The following DIAPH2 variants were observed in gnomAD, a reference collection of about 807,000 sequenced individuals.
The protein encoded by DIAPH2 is protein diaphanous homolog 2.
Under a neutral mutation model 92.7 loss-of-function variants are expected in DIAPH2, and 35 were observed. That is an observed-to-expected ratio of 0.38 (90% CI 0.29 to 0.50). The LOEUF is 0.50. Ranked by LOEUF, DIAPH2 falls within the 20% of genes least tolerant of loss-of-function variation. The pLI, the probability that DIAPH2 is intolerant of heterozygous loss-of-function variation, is 0.94. For missense variants in DIAPH2, 701 were observed against 819.5 expected (o/e 0.86, Z 1.77); for synonymous variants, 301 against 280.4 (o/e 1.07, Z -0.73).
chrX:97,279,939 A>G (rs899448939), intron 23 of DIAPH2, among the ~76,000 whole-genome samples: 2 of 111,646 alleles, frequency 1.8e-5, no homozygotes, highest in Non-Finnish European at 3.8e-5. Context: ...CATTTTCTAC[A>G]TTATAAATAT....
intron 16 of DIAPH2, among the ~76,000 whole-genome samples, chrX:96,958,995 GCTTGATTTCATAT>G (rs758005442): frequency 2.7e-5 from 3 of 111,345 alleles, no homozygotes; most frequent in Admixed American, 1.9e-4. Context: ...TGGACACTTA[GCTTGATTTCATAT>G]CTTGATTTCA....
At chrX:97,393,444 C>T (rs1041330539) in intron 25 of DIAPH2, among the ~76,000 whole-genome samples, 4 of 111,848 alleles carry the variant, frequency 3.6e-5, no homozygotes, top group Non-Finnish European at 7.5e-5. Context: ...ATAATTAGAG[C>T]ATGCACAGTA....
chrX:97,380,063 CT>C (rs201570876), intron 24 of DIAPH2, among the ~76,000 whole-genome samples: 1,690 of 107,436 alleles, frequency 0.016, 31 homozygotes, highest in African/African-American at 0.054. Flanking sequence ...AATTTATTCA[CT>C]TTTTTTTTCA....
intron 21 of DIAPH2, among the ~76,000 whole-genome samples, chrX:97,124,280 G>T: frequency 8.9e-6 from 1 of 112,410 alleles, no homozygotes; most frequent in Non-Finnish European, 1.9e-5. Flanking sequence ...CTGAGTGAAA[G>T]AAACTAACTC....
At chrX:97,365,016 A>G (rs1229336352) in intron 24 of DIAPH2, among the ~76,000 whole-genome samples, 3 of 110,779 alleles carry the variant, frequency 2.7e-5, no homozygotes, top group East Asian at 2.8e-4. Context: ...ATCCTTTTCA[A>G]CTTTCTCCCA....
At chrX:96,952,274 GTATATACA>G (rs1410351545) in intron 15 of DIAPH2, among the ~76,000 whole-genome samples, 1 of 111,596 alleles carries the variant, frequency 9.0e-6, no homozygotes, top group Non-Finnish European at 1.9e-5. Flanking sequence ...TTGTATGTAT[GTATATACA>G]TACATTAACA....
chrX:97,455,973 A>G (rs1195205326), intron 26 of DIAPH2, among the ~76,000 whole-genome samples: 2 of 111,891 alleles, frequency 1.8e-5, no homozygotes, highest in Non-Finnish European at 3.8e-5. Flanking sequence ...TCCCGAGGCA[A>G]ACTTTGTGCT....
intron 4 of DIAPH2, among the ~76,000 whole-genome samples, chrX:96,856,377 G>A: frequency 9.1e-6 from 1 of 109,706 alleles, no homozygotes; most frequent in Non-Finnish European, 1.9e-5. Context: ...GTTCTCACAA[G>A]GTTAAATAAA....
At chrX:96,965,836 A>G (rs1045838425) in intron 17 of DIAPH2, among the ~76,000 whole-genome samples, 10 of 111,587 alleles carry the variant, frequency 9.0e-5, no homozygotes, top group Admixed American at 1.9e-4. Context: ...TAGCTTCTCA[A>G]TCTCATAATA....
chrX:97,455,940 C>T (rs773474012), intron 26 of DIAPH2, among the ~76,000 whole-genome samples: 3 of 111,659 alleles, frequency 2.7e-5, no homozygotes, highest in Non-Finnish European at 5.6e-5. Context: ...TTTCAAGTTC[C>T]CTTCATTTCC....
intron 5 of DIAPH2, among the ~76,000 whole-genome samples, chrX:96,905,878 C>A (rs1402697176): frequency 8.9e-6 from 1 of 112,078 alleles, no homozygotes; most frequent in Non-Finnish European, 1.9e-5. Flanking sequence ...GCCTGTAATC[C>A]CAGCGCTTTG....
chrX:96,803,777 C>T (rs1354325489), intron 4 of DIAPH2, among the ~76,000 whole-genome samples: 1 of 112,275 alleles, frequency 8.9e-6, no homozygotes, highest in Non-Finnish European at 1.9e-5. Flanking sequence ...CGGTGGCTCA[C>T]GCCTGTAATC....
At chrX:97,206,229 G>A (rs1172291788) in intron 22 of DIAPH2, among the ~76,000 whole-genome samples, 3 of 111,037 alleles carry the variant, frequency 2.7e-5, no homozygotes, top group African/African-American at 6.6e-5. Flanking sequence ...CTAGATGATG[G>A]GTTGATGAGT....
At chrX:96,897,124 C>T (rs754122669) in intron 5 of DIAPH2, among the ~76,000 whole-genome samples, 1 of 111,099 alleles carries the variant, frequency 9.0e-6, no homozygotes, top group South Asian at 3.8e-4. Context: ...GTAGTTAATA[C>T]CAATATATTG....
intron 5 of DIAPH2, among the ~76,000 whole-genome samples, chrX:96,902,161 T>A (rs746411246): frequency 8.9e-6 from 1 of 112,155 alleles, no homozygotes; most frequent in Non-Finnish European, 1.9e-5. Context: ...TGATCTGATT[T>A]TGAGTTTCTT....
intron 4 of DIAPH2, among the ~76,000 whole-genome samples, chrX:96,863,581 C>G (rs1261139574): frequency 1.8e-5 from 2 of 109,816 alleles, no homozygotes; most frequent in Non-Finnish European, 3.8e-5. Flanking sequence ...GATTTTTTAC[C>G]TAATTGAAAT....
At chrX:97,243,534 G>C (rs1235430389) in intron 22 of DIAPH2, among the ~76,000 whole-genome samples, 2 of 111,669 alleles carry the variant, frequency 1.8e-5, no homozygotes, top group Admixed American at 9.6e-5. Flanking sequence ...GTTTAATGCA[G>C]CCATAAATTT....
chrX:97,434,591 T>C (rs1160868446), intron 26 of DIAPH2, among the ~76,000 whole-genome samples: 1 of 109,328 alleles, frequency 9.1e-6, no homozygotes. Flanking sequence ...TTTTAATTTT[T>C]AGTAGAGACG....
chrX:96,969,602 C>T (rs2065915193), intron 17 of DIAPH2, among the ~76,000 whole-genome samples: 1 of 110,841 alleles, frequency 9.0e-6, no homozygotes, highest in Non-Finnish European at 1.9e-5. Context: ...TGAAACTTTA[C>T]TGAAATTTTT....
Sources: gnomAD v4.1 joint callset for allele counts (sites outside exome capture counted in the v4.1 genomes callset) on GRCh38, gnomAD v4.1.1 for gene constraint, MANE v1.5 for transcripts, NCBI Gene and HGNC (gene_info 2026-07-23, HGNC 2026-07-21) for gene names.